The following KSR1 variants were observed in gnomAD, a reference collection of about 807,000 sequenced individuals.
KSR1 encodes kinase suppressor of ras 1, also known as kinase suppressor of ras.
KSR1 carries 35 observed loss-of-function variants against 92.9 expected under a neutral mutation model. That is an observed-to-expected ratio of 0.38 (90% CI 0.29 to 0.50). KSR1 has a LOEUF of 0.50. Among genes scored for constraint, KSR1 ranks in the 20% least tolerant of loss-of-function variants. The probability of loss-of-function intolerance (pLI) is 0.94; values close to 1 mark genes in which losing one functional copy is unlikely to be tolerated. For missense variants in KSR1, 972 were observed against 1,158.5 expected (o/e 0.84, Z 2.34); for synonymous variants, 467 against 472.6 (o/e 0.99, Z 0.15).
At chr17:27,562,002 C>T (rs749750524) in intron 2 of KSR1, among the ~76,000 whole-genome samples, 2 of 152,190 alleles carry the variant, frequency 1.3e-5, no homozygotes, top group African/African-American at 2.4e-5. Flanking sequence ...CATGCCACCA[C>T]ACCCGGCTAA....
At chr17:27,599,645 A>G (rs1410988941) in intron 10 of KSR1, among the ~76,000 whole-genome samples, 1 of 152,212 alleles carries the variant, frequency 6.6e-6, no homozygotes, top group African/African-American at 2.4e-5. Context: ...TAGACTTTAT[A>G]AACACTAAAC....
At position 27,571,012 on chromosome 17, in the gene KSR1, G is replaced by A. The variant is rs187359780; in HGVS notation, c.373-6480G>A. On this transcript the variant is annotated intron_variant, in intron 2 of 20. Coordinates refer to ENST00000644974, the MANE Select transcript of KSR1 (RefSeq NM_001394583.1). The stretch of plus-strand genomic sequence containing the variant: ...AATGGGAAATCCGAAGCCCAAAGAG[G>A]GGCGGGGACTTGTCCGAGGTCAGGG... Among the ~76,000 whole-genome samples the A allele has an allele frequency of 8.0e-4, 122 of 152,334 alleles. 1 individual carries two copies. Among genetic ancestry groups the A allele is most frequent in the South Asian group, 3.1e-3 (15 of 4,830 alleles).
chr17:27,483,400 C>G (rs1426127792), intron 1 of KSR1, among the ~76,000 whole-genome samples: 1 of 152,012 alleles, frequency 6.6e-6, no homozygotes, highest in African/African-American at 2.4e-5. Context: ...CCAGCCTGAT[C>G]AACGTGGAGA....
intron 1 of KSR1, among the ~76,000 whole-genome samples, chr17:27,501,284 C>CT (rs2069171184): frequency 2.7e-4 from 13 of 48,228 alleles, no homozygotes; most frequent in South Asian, 6.0e-4. Context: ...TTTTTAATTT[C>CT]TTTTCTTCTT....
rs2072577086 is a variant in KSR1 at position 27,577,838 on chromosome 17, C to T, written c.520+199C>T. Reference sequence around the variant, plus strand: ...GGCTCTGGATCCTGGTGGGTCTGGCCAGGCCGAATCTGAGGGGTTTCAGCC... The same window carrying T: ...GGCTCTGGATCCTGGTGGGTCTGGCTAGGCCGAATCTGAGGGGTTTCAGCC... On this transcript the variant is annotated intron_variant, in intron 3 of 20. Coordinates refer to ENST00000644974, the MANE Select transcript of KSR1 (RefSeq NM_001394583.1). The surrounding 1 kb of genome is among the most constrained non-coding windows in gnomAD (Gnocchi z 4.5). 1.4e-6 allele frequency: 1 copy of T among 696,162 alleles called. No homozygotes were observed. Among genetic ancestry groups the T allele is most frequent in the East Asian group, 2.7e-5 (1 of 37,116 alleles). The allele number at this position is 696,162 out of a possible 1,614,324, so 43.1% of individuals were successfully genotyped here. A position where few individuals can be genotyped will look rare whatever the true frequency, so the allele number is the denominator to read the frequency against.
chr17:27,515,938 T>C (rs1414118892), intron 1 of KSR1, among the ~76,000 whole-genome samples: 2 of 152,192 alleles, frequency 1.3e-5, no homozygotes, highest in African/African-American at 4.8e-5. Context: ...TGAAATCTTC[T>C]CCAGTCAAGG....
At chr17:27,518,911 A>C (rs1264079681) in intron 1 of KSR1, among the ~76,000 whole-genome samples, 2 of 152,190 alleles carry the variant, frequency 1.3e-5, no homozygotes, top group East Asian at 1.9e-4. Flanking sequence ...TTCCTGGAGT[A>C]GGATGTGTGC....
intron 1 of KSR1, among the ~76,000 whole-genome samples, chr17:27,513,464 G>A (rs975988515): frequency 6.6e-6 from 1 of 152,112 alleles, no homozygotes; most frequent in Non-Finnish European, 1.5e-5. Context: ...TGTTGGACAT[G>A]ACTCTTGGTT....
chr17:27,480,138 G>A (rs1308894771), intron 1 of KSR1, among the ~76,000 whole-genome samples: 1 of 152,150 alleles, frequency 6.6e-6, no homozygotes, highest in Non-Finnish European at 1.5e-5. Context: ...TCACCCCATT[G>A]CTCATCCTGC....
At chr17:27,617,709 G>C (rs1422696724) in intron 19 of KSR1, 1 of 387,962 alleles carries the variant, frequency 2.6e-6, no homozygotes, top group Admixed American at 3.3e-5. Flanking sequence ...TGTATTTTTA[G>C]TAGAGACGGG....
At chr17:27,584,870 G>A (rs977293025) in intron 4 of KSR1, among the ~76,000 whole-genome samples, 2 of 152,054 alleles carry the variant, frequency 1.3e-5, no homozygotes, top group Non-Finnish European at 2.9e-5. Flanking sequence ...TCCTTTCAGG[G>A]GCTACCTCTG....
At chr17:27,592,312 G>C in intron 7 of KSR1, 49 bp from the exon 8 acceptor site, 1 of 1,503,092 alleles carries the variant, frequency 6.7e-7, no homozygotes, top group Non-Finnish European at 9.2e-7. Flanking sequence ...CTGTGTGCCT[G>C]AGCCCCCCCA....
At chr17:27,511,227 C>T (rs1009087031) in intron 1 of KSR1, among the ~76,000 whole-genome samples, 5 of 152,202 alleles carry the variant, frequency 3.3e-5, no homozygotes, top group South Asian at 2.1e-4. Flanking sequence ...AACGTGGGGA[C>T]GCCTGGCTGG....
At position 27,582,827 on chromosome 17, in the gene KSR1, C is replaced by G. The variant is rs370924005; in HGVS notation, c.702C>G (p.Pro234=). The change falls in exon 4 of 21, where the codon CCC becomes CCG. Residue 234 remains proline, a synonymous_variant. Coordinates refer to ENST00000644974, the MANE Select transcript of KSR1 (RefSeq NM_001394583.1). ...GPRSISVSAL[P]ASDSPTPSFS... is the part of the protein sequence containing the mutation. ...GCTCCATCTCCGTGTCAGCTCTGCC[C>G]GCCTCAGACTCCCCCACCCCCAGCT... 1.1e-5 allele frequency: 17 copies of G among 1,613,466 alleles called. No individual in the cohort carries two copies. The African/African-American group carries it at 2.1e-4, about 20-fold the overall frequency.
Position 27,490,166 on chromosome 17 carries a change from T to G in KSR1, c.231+33292T>G, listed in dbSNP as rs1256214843. ...CAGAAATAACTTCTAAGTCTCCGTT[T>G]CTGCATTTGTACAAGGGGGCTGTTG... On this transcript the variant is annotated intron_variant, in intron 1 of 20. Transcript: ENST00000644974. Among the ~76,000 whole-genome samples, 6 of 152,326 alleles carry G rather than the reference T, an allele frequency of 3.9e-5. No individual in the cohort carries two copies. In the East Asian group the frequency reaches 1.2e-3, roughly 29 times the overall value.
At chr17:27,593,434 C>T (rs1278387862) in intron 9 of KSR1, among the ~76,000 whole-genome samples, 2 of 152,058 alleles carry the variant, frequency 1.3e-5, no homozygotes, top group African/African-American at 2.4e-5. Flanking sequence ...AGGGGCTTAG[C>T]GTGTGCCCCC....
At chr17:27,571,620 C>A (rs756020724) in intron 2 of KSR1, among the ~76,000 whole-genome samples, 2 of 152,244 alleles carry the variant, frequency 1.3e-5, no homozygotes, top group Non-Finnish European at 2.9e-5. Context: ...TCCCTTTCAT[C>A]ACCCATGCAC....
chr17:27,621,700 C>G (rs1265051947), intron 20 of KSR1, among the ~76,000 whole-genome samples: 1 of 152,160 alleles, frequency 6.6e-6, no homozygotes, highest in African/African-American at 2.4e-5. Context: ...AAACGTGCTG[C>G]AACTGTGCCC....
At chr17:27,587,686 G>A (rs911646748) in intron 5 of KSR1, 1 of 152,504 alleles carries the variant, frequency 6.6e-6, no homozygotes, top group Non-Finnish European at 1.5e-5. Context: ...TGAGTTGAAT[G>A]TGCGGGCTGC....
Sources: gnomAD v4.1 joint callset for allele counts (sites outside exome capture counted in the v4.1 genomes callset) on GRCh38, gnomAD v4.1.1 for gene constraint, Gnocchi (gnomAD v3.1) non-coding constraint, MANE v1.5 for transcripts, NCBI Gene and HGNC (gene_info 2026-07-23, HGNC 2026-07-21) for gene names.